The following STMN2 variants were observed in gnomAD, a reference collection of about 807,000 sequenced individuals.
The protein encoded by STMN2 is stathmin 2.
In STMN2, 2 loss-of-function variants were observed where a neutral mutation model predicts 24.1. The observed-to-expected ratio is 0.08, with a 90% CI of 0.03 to 0.26. The LOEUF (loss-of-function observed/expected upper bound fraction) is 0.26, where lower values mean the gene tolerates loss of function less well. STMN2 is among the 10% of genes least tolerant of loss of function. The pLI, the probability that STMN2 is intolerant of heterozygous loss-of-function variation, is 1.00. For missense variants in STMN2, 114 were observed against 213.6 expected (o/e 0.53, Z 2.91); for synonymous variants, 83 against 77.5 (o/e 1.07, Z -0.37).
At chr8:79,623,810 T>C (rs958128900) in intron 1 of STMN2, among the ~76,000 whole-genome samples, 3 of 152,186 alleles carry the variant, frequency 2.0e-5, no homozygotes, top group African/African-American at 4.8e-5. Flanking sequence ...CTAATGAGGT[T>C]CTGGAATGCA....
At chr8:79,619,511 TTA>T (rs1198947066) in intron 1 of STMN2, among the ~76,000 whole-genome samples, 1 of 152,112 alleles carries the variant, frequency 6.6e-6, no homozygotes, top group Non-Finnish European at 1.5e-5. Context: ...CAACCCCAAC[TTA>T]TAATATATTG....
rs140746425 is a variant in STMN2, at chr8:79,641,276, C to T, written c.116-102C>T. 294 of 1,279,198 alleles carry T rather than the reference C, an allele frequency of 2.3e-4. No homozygotes were observed. The African/African-American group carries it at 2.6e-3, about 11-fold the overall frequency. 79.2% of individuals were successfully genotyped at this position (1,279,198 alleles called of 1,614,324 possible). On this transcript the variant is annotated intron_variant, in intron 2 of 4. Coordinates refer to ENST00000220876, the MANE Select transcript of STMN2 (RefSeq NM_007029.4). ...TAAACAGCATTTTATTCCTATCTCC[C>T]GGAATAACAACGCTACTTCCAATTG...
chr8:79,664,382 G>C (rs17525394), intron 4 of STMN2, among the ~76,000 whole-genome samples: 48,249 of 152,140 alleles, frequency 0.32, 9,579 homozygotes, highest in Non-Finnish European at 0.45. Flanking sequence ...CAGGTCAAGA[G>C]TTTAAGAAGC....
At chr8:79,657,191 A>T (rs1478839593) in intron 4 of STMN2, among the ~76,000 whole-genome samples, 2 of 152,134 alleles carry the variant, frequency 1.3e-5, no homozygotes, top group South Asian at 4.1e-4. Flanking sequence ...ATCCTTCTTG[A>T]TTTCAATTGT....
At chr8:79,658,289 G>C (rs1388968188) in intron 4 of STMN2, among the ~76,000 whole-genome samples, 2 of 151,814 alleles carry the variant, frequency 1.3e-5, no homozygotes, top group Non-Finnish European at 2.9e-5. Context: ...CTGGGAAACA[G>C]AACAAGACCC....
intron 1 of STMN2, among the ~76,000 whole-genome samples, chr8:79,621,797 T>C (rs1400498667): frequency 6.6e-6 from 1 of 152,178 alleles, no homozygotes; most frequent in East Asian, 1.9e-4. Context: ...AGTACTTACT[T>C]TGCTTCTAGT....
At chr8:79,636,719 A>G in intron 1 of STMN2, 83 bp from the exon 2 acceptor site, 1 of 1,271,808 alleles carries the variant, frequency 7.9e-7, no homozygotes. Context: ...GCAGGAGGCA[A>G]TAATTATTAT....
rs531147296 is a variant in STMN2, at chr8:79,640,616, A to G, written c.116-762A>G. ...GCAACAACACAGGAGCAAAGACATT[A>G]CAATGGGGTGTTGTCTTATTGCCCC... On this transcript the variant is annotated intron_variant, in intron 2 of 4. Transcript: ENST00000220876. Among the ~76,000 whole-genome samples the G allele has an allele frequency of 3.9e-5, 6 of 152,358 alleles. No individual in the cohort carries two copies. The South Asian group carries it at 1.2e-3, about 32-fold the overall frequency.
chr8:79,629,570 G>A (rs192359388), intron 1 of STMN2, among the ~76,000 whole-genome samples: 108 of 152,214 alleles, frequency 7.1e-4, no homozygotes, highest in Middle Eastern at 3.4e-3. Context: ...TGCACACTGC[G>A]CATTTTACAA....
chr8:79,643,149 G>GTGTGTATATATATATATA (rs764308760), intron 3 of STMN2, among the ~76,000 whole-genome samples: 10 of 140,108 alleles, frequency 7.1e-5, no homozygotes, highest in African/African-American at 2.6e-4. Flanking sequence ...ATGTGTGTGT[G>GTGTGTATATATATATATA]TATATATATA....
Position 79,632,896 on chromosome 8 carries a change from GA to G in STMN2, c.20-3900del, listed in dbSNP as rs557839493. Among the ~76,000 whole-genome samples, 30 of 152,240 alleles carry G rather than the reference GA, an allele frequency of 2.0e-4. No homozygotes were observed. The South Asian group carries it at 6.0e-3, about 31-fold the overall frequency. ...TTAATGATTGTTCCCACACAAGCCG[GA>G]AAAAATCTTTCTAAGAAGTCTTTCA... On this transcript the variant is annotated intron_variant, in intron 1 of 4. Transcript: ENST00000220876.
intron 3 of STMN2, among the ~76,000 whole-genome samples, chr8:79,650,288 T>G (rs1057182002): frequency 2.0e-5 from 3 of 152,190 alleles, no homozygotes; most frequent in African/African-American, 7.2e-5. Context: ...TTCACCACCC[T>G]CCGTTTCATA....
At chr8:79,627,561 G>T (rs551837372) in intron 1 of STMN2, among the ~76,000 whole-genome samples, 2 of 152,254 alleles carry the variant, frequency 1.3e-5, no homozygotes, top group Admixed American at 6.5e-5. Flanking sequence ...AAGAATATTT[G>T]AAGCCAAAAA....
At chr8:79,657,258 T>G (rs912783498) in intron 4 of STMN2, among the ~76,000 whole-genome samples, 11 of 152,218 alleles carry the variant, frequency 7.2e-5, no homozygotes, top group African/African-American at 2.4e-4. Flanking sequence ...TGCTAGCTTT[T>G]AACGGACCAT....
rs367615272 is a variant in STMN2 at position 79,664,826 on chromosome 8, T to C, written c.492T>C (p.Ala164=). ...TTTGTGTTTTTTAGGAGAGGCATGC[T>C]GCGGAGGTGCGCAGGAACAAGGAAC... ...IERLQEKERH[A]AEVRRNKELQ... is the part of the protein sequence containing the mutation. The change falls in exon 5 of 5, where the codon GCT becomes GCC. Residue 164 remains alanine (A), a synonymous_variant. Transcript: ENST00000220876. 3.1e-6 allele frequency: 5 copies of C among 1,613,020 alleles called. No individual in the cohort carries two copies. The highest frequency in any genetic ancestry group is 4.2e-6 in the Non-Finnish European group (5 of 1,179,498).
intron 1 of STMN2, among the ~76,000 whole-genome samples, chr8:79,630,659 T>C (rs368266735): frequency 2.8e-4 from 43 of 152,342 alleles, no homozygotes; most frequent in African/African-American, 9.9e-4. Context: ...GGGTGCTACA[T>C]TGAGCCATTC....
intron 4 of STMN2, among the ~76,000 whole-genome samples, chr8:79,661,797 T>C (rs533423472): frequency 6.6e-6 from 1 of 152,124 alleles, no homozygotes. Flanking sequence ...ACCTTTTTAC[T>C]ATCTGCCCAT....
chr8:79,641,489 A>G lies in STMN2; in HGVS notation c.227A>G (p.Lys76Arg). 1 of 1,614,114 alleles carries G rather than the reference A, an allele frequency of 6.2e-7. No homozygotes were observed. Among genetic ancestry groups the G allele is most frequent in the Non-Finnish European group, 8.5e-7 (1 of 1,179,996 alleles). Residue 76 changes from lysine to arginine, a missense_variant, in exon 3 of 5, where the codon AAG becomes AGG. Transcript: ENST00000220876. ...CCACGAACTTTAGCTTCTCCAAAGA[A>G]GAAAGACCTGTCCCTGGAGGAGATC... ...EAPRTLASPK[K>R]KDLSLEEIQK...
intron 3 of STMN2, 125 bp from the exon 4 acceptor site, chr8:79,654,746 G>A: frequency 1.8e-6 from 2 of 1,105,268 alleles, no homozygotes; most frequent in South Asian, 1.6e-5. Flanking sequence ...GTACAGACTT[G>A]ACAATAGTGC....
Sources: allele counts gnomAD v4.1 joint callset (sites outside exome capture counted in the v4.1 genomes callset), GRCh38; gene constraint gnomAD v4.1.1; transcripts MANE v1.5; gene names NCBI Gene and HGNC (gene_info 2026-07-23, HGNC 2026-07-21).